PLCB3: variants seen among roughly 807,000 people sequenced by gnomAD.
PLCB3 encodes the protein 1-phosphatidylinositol 4,5-bisphosphate phosphodiesterase beta-3.
A neutral mutation model predicts 152.1 loss-of-function variants in PLCB3; 54 were observed. That is an observed-to-expected ratio of 0.36 (90% confidence interval 0.29 to 0.45). The LOEUF (loss-of-function observed/expected upper bound fraction) is 0.45, where lower values mean the gene tolerates loss of function less well. Among genes scored for constraint, PLCB3 ranks in the 20% least tolerant of loss-of-function variants. The probability of loss-of-function intolerance (pLI) is 1.00; values close to 1 mark genes in which losing one functional copy is unlikely to be tolerated. For synonymous variants in PLCB3, 717 were observed against 698.7 expected (o/e 1.03, Z -0.41); for missense variants, 1,248 against 1,687.5 (o/e 0.74, Z 4.56).
chr11:64,265,997 G>C lies in PLCB3; in HGVS notation c.3147G>C (p.Gln1049His), dbSNP rs1310566246. 13 of 1,614,010 alleles carry C rather than the reference G, an allele frequency of 8.1e-6. No individual in the cohort carries two copies. The highest frequency in any genetic ancestry group is 1.1e-5 in the Non-Finnish European group (13 of 1,180,026). ...VQSLLELREA[Q>H]VDAEAQRRLE... ...GCCTGCTGGAGCTGCGGGAGGCCCA[G>C]GTGGACGCAGAGGCCCAGCGGAGGC... Residue 1049 changes from glutamine (Q) to histidine (H), a missense_variant, in exon 26 of 31, where the codon CAG becomes CAC. Gln to His is a conservative substitution (Grantham distance 24). Around this residue, in one of 6 missense-constraint regions of PLCB3, gnomAD observed 477 missense variants for 489.6 expected, o/e 0.97. Coordinates refer to ENST00000279230, the MANE Select transcript of PLCB3 (RefSeq NM_000932.5).
At chr11:64,261,921 C>G in intron 16 of PLCB3, 31 bp from the exon 17 acceptor site, 3 of 1,613,116 alleles carry the variant, frequency 1.9e-6, no homozygotes, top group Non-Finnish European at 2.5e-6. Context: ...TGGGCCCTGG[C>G]ACCTGTGTGG....
chr11:64,254,469 T>C lies in PLCB3; in HGVS notation c.154T>C (p.Leu52=). ...GCGTGTGGACCCCAATGGCTTCTTC[T>C]TGTACTGGACGGGCCCCAACATGGT... ...TLRVDPNGFF[L]YWTGPNMEVD... Residue 52 remains leucine (L), a synonymous_variant, in exon 2 of 31, where the codon TTG becomes CTG. Coordinates refer to ENST00000279230, the MANE Select transcript of PLCB3 (RefSeq NM_000932.5). The C allele has an allele frequency of 6.2e-7, 1 of 1,613,904 alleles. No homozygotes were observed. The highest frequency in any genetic ancestry group is 8.5e-7 in the Non-Finnish European group (1 of 1,179,982).
intron 8 of PLCB3, among the ~76,000 whole-genome samples, chr11:64,256,097 G>A (rs2031516838): frequency 6.6e-6 from 1 of 152,194 alleles, no homozygotes; most frequent in African/African-American, 2.4e-5. Flanking sequence ...TGTGTTGTGA[G>A]GTCTGGAAGC....
chr11:64,263,667 A>G (rs2031968509), intron 20 of PLCB3, 24 bp from the exon 21 acceptor site: 1 of 1,609,976 alleles, frequency 6.2e-7, no homozygotes, highest in African/African-American at 1.3e-5. Context: ...CCAGCAACCC[A>G]ACGTTGCCTT....
At position 64,260,380 on chromosome 11, in the gene PLCB3, GTCA is replaced by G. The variant is rs1383700931; in HGVS notation, c.1731+150_1731+152del. 6 of 643,678 alleles carry G rather than the reference GTCA, an allele frequency of 9.3e-6. No homozygotes were observed. The African/African-American group carries it at 1.1e-4, about 12-fold the overall frequency. 39.9% of individuals were successfully genotyped at this position (643,678 alleles called of 1,614,324 possible). A position where few individuals can be genotyped will look rare whatever the true frequency, so the allele number is the denominator to read the frequency against. Reference sequence around the variant, plus strand: ...GTGAAGGTGGGAGGAGGGCTCTTCAGTCATCAGGCATGGAAACAAGCATACAGT... The same window carrying G: ...GTGAAGGTGGGAGGAGGGCTCTTCAGTCAGGCATGGAAACAAGCATACAGT... On this transcript the variant is annotated intron_variant, in intron 14 of 30. Transcript: ENST00000279230.
chr11:64,260,199 G>T lies in PLCB3; in HGVS notation c.1696G>T (p.Glu566Ter). The change falls in exon 14 of 31, where the codon GAA (glutamate) becomes TAA (stop). Residue 566 changes from glutamate (E) to a stop codon, truncating the protein, a stop_gained. Transcript: ENST00000279230. LOFTEE classifies it high-confidence loss of function. ...EDEEEDEEEE[E>*]QTDPKKPTTD... ...TGAGGAGGAAGATGAGGAAGAGGAG[G>T]AACAGACAGACCCCAAAAAGCCAAC... The T allele has an allele frequency of 6.3e-7, 1 of 1,582,736 alleles. No homozygotes were observed. Among genetic ancestry groups the T allele is most frequent in the Non-Finnish European group, 8.6e-7 (1 of 1,163,670 alleles).
At chr11:64,264,919 T>C in intron 22 of PLCB3, 32 bp from the exon 23 acceptor site, 1 of 1,611,268 alleles carries the variant, frequency 6.2e-7, no homozygotes, top group Non-Finnish European at 8.5e-7. Flanking sequence ...GAACAGCATT[T>C]CTGAAAAGAG....
At position 64,260,042 on chromosome 11, in the gene PLCB3, T is replaced by C; in HGVS notation, c.1539T>C (p.Ser513=). The stretch of plus-strand genomic sequence containing the variant: ...TGTCCTCTGCAGGGTCTCCCAGCTC[T>C]GACAGCTGCCCAGGCCTGAGCAATG... ...PSSPQLGSPS[S]DSCPGLSNGE... is the part of the protein sequence containing the mutation. The change falls in exon 14 of 31, where the codon TCT becomes TCC. Residue 513 remains serine (S), a synonymous_variant. Transcript: ENST00000279230. 6.2e-7 allele frequency: 1 copy of C among 1,610,878 alleles called. No individual in the cohort carries two copies. The highest frequency in any genetic ancestry group is 8.5e-7 in the Non-Finnish European group (1 of 1,179,108).
Position 64,265,473 on chromosome 11 carries a change from G to A in PLCB3, c.3006G>A (p.Glu1002=). 6.2e-7 allele frequency: 1 copy of A among 1,606,362 alleles called. No individual in the cohort carries two copies. The highest frequency in any genetic ancestry group is 1.7e-4 in the Middle Eastern group (1 of 5,922). The change falls in exon 25 of 31, where the codon GAG becomes GAA. Residue 1002 remains glutamate, a synonymous_variant. Coordinates refer to ENST00000279230, the MANE Select transcript of PLCB3 (RefSeq NM_000932.5). ...ATGGCCTGGCTCAGGCACAGGCTGA[G>A]GGCAGGTGCCGGCTGCGGCCAGGTG... ...LLDGLAQAQA[E]GRCRLRPGAL...
At chr11:64,263,885 C>T in intron 21 of PLCB3, 90 bp downstream of exon 21, 2 of 1,230,574 alleles carry the variant, frequency 1.6e-6, no homozygotes, top group South Asian at 1.2e-5. Flanking sequence ...AGCTGGATGG[C>T]CCCGACTGAG....
At chr11:64,257,783 T>C (rs1307017885) in intron 10 of PLCB3, among the ~76,000 whole-genome samples, 1 of 151,704 alleles carries the variant, frequency 6.6e-6, no homozygotes, top group Non-Finnish European at 1.5e-5. Context: ...GAAGAGGCTT[T>C]TTGGAGGGTG....
chr11:64,251,774 C>T, intron 1 of PLCB3, 26 bp downstream of exon 1: 2 of 1,315,614 alleles, frequency 1.5e-6, no homozygotes. Context: ...CCTGCTCCGC[C>T]CAAATCCCGG....
intron 25 of PLCB3, 138 bp from the exon 26 acceptor site, chr11:64,265,748 C>T (rs946606348): frequency 7.1e-6 from 9 of 1,271,822 alleles, no homozygotes; most frequent in African/African-American, 4.5e-5. Context: ...AGCTAACAGG[C>T]CTCCTGGTTT....
chr11:64,265,923 G>A lies in PLCB3; in HGVS notation c.3073G>A (p.Glu1025Lys), dbSNP rs1162919816. 6.2e-7 allele frequency: 1 copy of A among 1,613,518 alleles called. No homozygotes were observed. The highest frequency in any genetic ancestry group is 8.5e-7 in the Non-Finnish European group (1 of 1,180,004). Residue 1025 changes from glutamate to lysine, a missense_variant, in exon 26 of 31, where the codon GAG becomes AAG. Glu to Lys is a moderately conservative substitution (Grantham distance 56). Coordinates refer to ENST00000279230, the MANE Select transcript of PLCB3 (RefSeq NM_000932.5). Reference protein sequence around the residue: ...AADVEDTKEGEDEAKRYQEFQ... With the variant: ...AADVEDTKEGKDEAKRYQEFQ... ...TGATGTGGAGGACACGAAGGAGGGG[G>A]AGGACGAGGCAAAGCGGTATCAGGA...
At chr11:64,259,826 TTGACCTA>T (rs1033172774) in intron 13 of PLCB3, among the ~76,000 whole-genome samples, 196 bp from the exon 14 acceptor site, 1 of 152,152 alleles carries the variant, frequency 6.6e-6, no homozygotes, top group African/African-American at 2.4e-5. Context: ...ACCTTTACCT[TTGACCTA>T]TGACCCCTCT....
intron 22 of PLCB3, 79 bp downstream of exon 22, chr11:64,264,191 A>G: frequency 1.0e-6 from 1 of 971,784 alleles, no homozygotes; most frequent in Admixed American, 2.6e-5. Context: ...CCACATGAGG[A>G]GGGGGCTTCT....
Position 64,258,437 on chromosome 11 carries a change from G to A in PLCB3, c.1013-36G>A. The A allele has an allele frequency of 6.2e-7, 1 of 1,602,836 alleles. No homozygotes were observed. On this transcript the variant is annotated intron_variant, in intron 10 of 30. Transcript: ENST00000279230. The surrounding 1 kb of genome is among the most constrained non-coding windows in gnomAD (Gnocchi z 7.2). ...GCCGGGGTGGTGAGGAGCTGGGCTG[G>A]TGGGCGGCCTCGGTGACAGAGCCTC...
rs754047480 is a variant in PLCB3 at position 64,266,015 on chromosome 11, G to A, written c.3165G>A (p.Gln1055=). The A allele has an allele frequency of 5.0e-6, 8 of 1,614,096 alleles. No homozygotes were observed. The East Asian group carries it at 6.7e-5, about 13-fold the overall frequency. ...LREAQVDAEA[Q]RRLEHLRQAL... ...AGGCCCAGGTGGACGCAGAGGCCCA[G>A]CGGAGGCTGGAACACCTGAGACAGG... Residue 1055 remains glutamine, a synonymous_variant, in exon 26 of 31, where the codon CAG becomes CAA. Coordinates refer to ENST00000279230, the MANE Select transcript of PLCB3 (RefSeq NM_000932.5). The surrounding 1 kb of genome is among the most constrained non-coding windows in gnomAD (Gnocchi z 4.9).
Position 64,266,016 on chromosome 11 carries a change from C to G in PLCB3, c.3166C>G (p.Arg1056Gly), listed in dbSNP as rs375052596. Residue 1056 changes from arginine to glycine, a missense_variant, in exon 26 of 31, where the codon CGG becomes GGG. Transcript: ENST00000279230. The surrounding 1 kb of genome is among the most constrained non-coding windows in gnomAD (Gnocchi z 4.9). ...GGCCCAGGTGGACGCAGAGGCCCAG[C>G]GGAGGCTGGAACACCTGAGACAGGT... ...REAQVDAEAQ[R>G]RLEHLRQALQ... 10 of 1,613,858 alleles carry G rather than the reference C, an allele frequency of 6.2e-6. No individual in the cohort carries two copies.
Sources: gnomAD v4.1 joint callset for allele counts (sites outside exome capture counted in the v4.1 genomes callset) on GRCh38, gnomAD v4.1.1 for gene constraint, gnomAD v4.1.1 regional missense constraint, Gnocchi (gnomAD v3.1) non-coding constraint, MANE v1.5 for transcripts, NCBI Gene and HGNC (gene_info 2026-07-23, HGNC 2026-07-21) for gene names.